Variants in PRKN observed in about 807,000 individuals in gnomAD.
PRKN encodes the protein parkin RBR E3 ubiquitin protein ligase, also known as E3 ubiquitin-protein ligase parkin.
In PRKN, 56 loss-of-function variants were observed where a neutral mutation model predicts 59.5. That is an observed-to-expected ratio of 0.94 (90% CI 0.76 to 1.18). The LOEUF is 1.18. Ranked by LOEUF, PRKN falls within the 50% of genes most tolerant of loss-of-function variation. PRKN has a pLI of 0.00. For synonymous variants in PRKN, 250 were observed against 222.1 expected (o/e 1.13, Z -1.12); for missense variants, 657 against 596.4 (o/e 1.10, Z -1.06).
intron 5 of PRKN, among the ~76,000 whole-genome samples, chr6:162,025,572 T>C (rs1369355329): frequency 7.2e-6 from 1 of 138,248 alleles, no homozygotes; most frequent in Non-Finnish European, 1.5e-5. Flanking sequence ...CCAGTGGCCA[T>C]ATCCATGGTG....
intron 3 of PRKN, among the ~76,000 whole-genome samples, chr6:162,246,303 C>A (rs1449607221): frequency 6.6e-6 from 1 of 152,090 alleles, no homozygotes; most frequent in Non-Finnish European, 1.5e-5. Flanking sequence ...GTAGAGGAAA[C>A]CCCGTGAGAG....
chr6:161,872,229 G>A (rs1232554977), intron 6 of PRKN, among the ~76,000 whole-genome samples: 2 of 151,952 alleles, frequency 1.3e-5, no homozygotes, highest in Admixed American at 1.3e-4. Flanking sequence ...CAGCTGAGTG[G>A]GGGTCCTATT....
intron 7 of PRKN, among the ~76,000 whole-genome samples, chr6:161,651,574 G>C (rs1331132903): frequency 6.6e-6 from 1 of 152,154 alleles, no homozygotes; most frequent in Admixed American, 6.5e-5. Flanking sequence ...CATCTCTCCA[G>C]GGGCTGTGAG....
At chr6:161,645,243 CA>C (rs11343414) in intron 7 of PRKN, among the ~76,000 whole-genome samples, 48,087 of 133,746 alleles carry the variant, frequency 0.36, 7,884 homozygotes, top group African/African-American at 0.45. Context: ...AATAAATAGC[CA>C]AAAAAAAAAA....
rs1322831323 is a variant in PRKN, at chr6:161,487,762, C to T, written c.1083+61092G>A. ...GAATAGAGAGGCACCATGCTCATTG[C>T]TTTGGGCATACCCTGCCTCCAGCAT... On this transcript the variant is annotated intron_variant, in intron 9 of 11. Coordinates refer to ENST00000366898, the MANE Select transcript of PRKN (RefSeq NM_004562.3). This position sits in a 1 kb window ranked among gnomAD's most constrained non-coding sequence, Gnocchi z 5.3. Among the ~76,000 whole-genome samples, 2 of 152,156 alleles carry T rather than the reference C, an allele frequency of 1.3e-5. No individual in the cohort carries two copies. Among genetic ancestry groups the T allele is most frequent in the African/African-American group, 2.4e-5 (1 of 41,444 alleles).
At chr6:162,475,732 G>C (rs1020642811) in intron 1 of PRKN, among the ~76,000 whole-genome samples, 1 of 151,638 alleles carries the variant, frequency 6.6e-6, no homozygotes, top group Non-Finnish European at 1.5e-5. Context: ...GCCTCTGGAA[G>C]TACAAAACAG....
intron 7 of PRKN, among the ~76,000 whole-genome samples, chr6:161,595,546 G>A (rs1220810217): frequency 7.2e-5 from 11 of 152,182 alleles, no homozygotes; most frequent in Admixed American, 7.2e-4. Context: ...ACAACATGGT[G>A]GCCTCAATGT....
rs1785784503 is a variant in PRKN at position 161,377,729 on chromosome 6, T to C, written c.1167+9065A>G. 6.6e-6 allele frequency among the ~76,000 whole-genome samples: 1 copy of C among 152,090 alleles called. No homozygotes were observed. Among genetic ancestry groups the C allele is most frequent in the Admixed American group, 6.5e-5 (1 of 15,274 alleles). On this transcript the variant is annotated intron_variant, in intron 10 of 11. Coordinates refer to ENST00000366898, the MANE Select transcript of PRKN (RefSeq NM_004562.3). This position sits in a 1 kb window ranked among gnomAD's most constrained non-coding sequence, Gnocchi z 4.2. Reference sequence around the variant, plus strand: ...CTCGGGAATGGGATTAGTGCCCTTATAAAGAGAGGGCATTAACCAGTCACC... The same window carrying C: ...CTCGGGAATGGGATTAGTGCCCTTACAAAGAGAGGGCATTAACCAGTCACC...
intron 7 of PRKN, among the ~76,000 whole-genome samples, chr6:161,635,047 C>G (rs563955777): frequency 6.6e-6 from 1 of 152,108 alleles, no homozygotes; most frequent in African/African-American, 2.4e-5. Context: ...GTAATTAAAA[C>G]GGGAGACTTA....
chr6:162,723,540 T>A (rs1046232241), intron 1 of PRKN, among the ~76,000 whole-genome samples: 1 of 152,172 alleles, frequency 6.6e-6, no homozygotes, highest in African/African-American at 2.4e-5. Context: ...GAAGGACGTC[T>A]TTTGGCAATT....
chr6:162,690,077 A>ATTAGAATGTACTCCATTAT (rs6149897), intron 1 of PRKN, among the ~76,000 whole-genome samples: 117,181 of 146,314 alleles, frequency 0.8, 47,413 homozygotes, highest in East Asian at 0.97. Context: ...ATATATTGTT[A>ATTAGAATGTACTCCATTAT]TTAGAATGTA....
At position 162,345,311 on chromosome 6, in the gene PRKN, T is replaced by C. The variant is rs149249755; in HGVS notation, c.172-82546A>G. 1.7e-3 allele frequency among the ~76,000 whole-genome samples: 252 copies of C among 152,316 alleles called. 1 individual carries two copies. Among genetic ancestry groups the C allele is most frequent in the African/African-American group, 5.3e-3 (222 of 41,576 alleles). On this transcript the variant is annotated intron_variant, in intron 2 of 11. Coordinates refer to ENST00000366898, the MANE Select transcript of PRKN (RefSeq NM_004562.3). ...CACAGAAAGCTGCCCAAGGGTAGGC[T>C]TGAAGCAAAATAAATTAAGAAACCC...
chr6:162,300,181 A>G lies in PRKN; in HGVS notation c.172-37416T>C, dbSNP rs114579636. Among the ~76,000 whole-genome samples the G allele has an allele frequency of 2.3e-3, 347 of 152,318 alleles. 1 individual carries two copies. The highest frequency in any genetic ancestry group is 7.9e-3 in the African/African-American group (328 of 41,574). On this transcript the variant is annotated intron_variant, in intron 2 of 11. Coordinates refer to ENST00000366898, the MANE Select transcript of PRKN (RefSeq NM_004562.3). ...ACTTCATAAAATATGGAATACAAAC[A>G]TGAATAGGAATGCCTATGACATTCA...
chr6:161,553,573 CTAGAT>C (rs1780121455), intron 8 of PRKN, among the ~76,000 whole-genome samples: 2 of 152,138 alleles, frequency 1.3e-5, no homozygotes, highest in South Asian at 4.1e-4. Flanking sequence ...TATTCAGTAA[CTAGAT>C]TAATTTATTG....
chr6:162,686,049 A>C (rs1026069822), intron 1 of PRKN, among the ~76,000 whole-genome samples: 1 of 152,158 alleles, frequency 6.6e-6, no homozygotes, highest in Admixed American at 6.6e-5. Flanking sequence ...CAAGCCTTTT[A>C]AGCACTGTCT....
intron 7 of PRKN, among the ~76,000 whole-genome samples, chr6:161,573,755 A>AATATATATATATATATATAT (rs1225362601): frequency 2.6e-4 from 8 of 30,342 alleles, no homozygotes; most frequent in Non-Finnish European, 2.7e-4. Context: ...AAAAAAAAAA[A>AATATATATATATATATATAT]ATATATATAT....
intron 1 of PRKN, among the ~76,000 whole-genome samples, chr6:162,587,130 C>T (rs1263759938): frequency 6.6e-6 from 1 of 152,080 alleles, no homozygotes; most frequent in Non-Finnish European, 1.5e-5. Flanking sequence ...CACACAGTAG[C>T]ATTTATTCTT....
chr6:161,809,136 C>T (rs151110611), intron 6 of PRKN, among the ~76,000 whole-genome samples: 63 of 152,186 alleles, frequency 4.1e-4, no homozygotes, highest in African/African-American at 1.4e-3. Context: ...CCACAGAGCC[C>T]GGTCAGATCA....
At chr6:161,558,426 A>T (rs1780325032) in intron 8 of PRKN, among the ~76,000 whole-genome samples, 1 of 152,066 alleles carries the variant, frequency 6.6e-6, no homozygotes, top group African/African-American at 2.4e-5. Context: ...TTACCTGGGC[A>T]TGGTGGCATG....
Sources: gnomAD v4.1 joint callset for allele counts (sites outside exome capture counted in the v4.1 genomes callset) on GRCh38, gnomAD v4.1.1 for gene constraint, Gnocchi (gnomAD v3.1) non-coding constraint, MANE v1.5 for transcripts, NCBI Gene and HGNC (gene_info 2026-07-23, HGNC 2026-07-21) for gene names.